The following CDH19 variants were observed in gnomAD, a reference collection of about 807,000 sequenced individuals.
The protein encoded by CDH19 is cadherin-19.
CDH19 carries 67 observed loss-of-function variants against 64.2 expected under a neutral mutation model. The observed-to-expected ratio is 1.04, with a 90% confidence interval of 0.86 to 1.28. CDH19 has a LOEUF of 1.28. Ranked by LOEUF, CDH19 falls within the 50% of genes most tolerant of loss-of-function variation. The pLI is 0.00. For synonymous variants in CDH19, 346 were observed against 319.3 expected, an observed-to-expected ratio of 1.08 and a Z score of -0.89; for missense variants, 1,030 against 929.0, an observed-to-expected ratio of 1.11 and a Z score of -1.41.
At chr18:66,576,355 C>T (rs1988265471) in intron 1 of CDH19, among the ~76,000 whole-genome samples, 1 of 151,202 alleles carries the variant, frequency 6.6e-6, no homozygotes, top group African/African-American at 2.4e-5. Context: ...ATATCTTGCT[C>T]AACTCTAGTC....
In CDH19 at chr18:66,529,051, C is replaced by T. The variant is rs1410366218; in HGVS notation, c.1458+794G>A. 3.9e-5 allele frequency among the ~76,000 whole-genome samples: 6 copies of T among 151,954 alleles called. No homozygotes were observed. In the East Asian group the frequency reaches 1.2e-3, roughly 29 times the overall value. ...TATTATGTACCAGAGCTTAGAAGTA[C>T]ACAAATAACATTCTAACTTAAGTTT... On this transcript the variant is annotated intron_variant, in intron 9 of 11. Coordinates refer to ENST00000262150, the MANE Select transcript of CDH19 (RefSeq NM_021153.4).
At chr18:66,510,430 CTATA>C (rs1568170955) in intron 10 of CDH19, among the ~76,000 whole-genome samples, 1 of 148,220 alleles carries the variant, frequency 6.7e-6, no homozygotes, top group Non-Finnish European at 1.5e-5. Flanking sequence ...ATAAATTAAT[CTATA>C]TATACAAATA....
At chr18:66,597,342 T>C (rs1334608522) in intron 1 of CDH19, among the ~76,000 whole-genome samples, 1 of 151,884 alleles carries the variant, frequency 6.6e-6, no homozygotes, top group Non-Finnish European at 1.5e-5. Context: ...AAGCCATCCA[T>C]AATAAGCAAT....
intron 3 of CDH19, among the ~76,000 whole-genome samples, chr18:66,555,580 A>C (rs1987487664): frequency 6.6e-6 from 1 of 151,814 alleles, no homozygotes; most frequent in Admixed American, 6.6e-5. Context: ...TCTTATTCAC[A>C]TAATTTTATG....
chr18:66,511,687 TA>T lies in CDH19; in HGVS notation c.1459-3del, dbSNP rs771141151. The stretch of plus-strand genomic sequence containing the variant: ...CACTGCACTGATAGTCTGAATTACC[TA>T]AAAAAAAAGGGGGATAGATTTTTGT... On this transcript the variant is annotated splice_region_variant and splice_polypyrimidine_tract_variant and intron_variant, in intron 9 of 11. Transcript: ENST00000262150. The T allele has an allele frequency of 8.3e-4, 1,124 of 1,360,524 alleles. No individual in the cohort carries two copies. Among genetic ancestry groups the T allele is most frequent in the Admixed American group, 1.3e-3 (66 of 52,552 alleles). The allele number at this position is 1,360,524 out of a possible 1,614,324, so 84.3% of individuals were successfully genotyped here.
intron 9 of CDH19, among the ~76,000 whole-genome samples, chr18:66,521,726 G>A (rs911636305): frequency 2.0e-5 from 3 of 151,424 alleles, no homozygotes; most frequent in African/African-American, 7.3e-5. Context: ...ATGTAGAGAC[G>A]GAATTTCACA....
Position 66,551,223 on chromosome 18 carries a change from G to T in CDH19, c.646C>A (p.Leu216Met). ...IRISSKMDRE[L>M]QDEYWVIIQA... ...ATGATTACCCAATACTCATCTTGCA[G>T]TTCTCTATCCATTTTAGAAGATATT... The change falls in exon 5 of 12, where the codon CTG becomes ATG. Residue 216 changes from leucine (L) to methionine (M), a missense_variant. Coordinates refer to ENST00000262150, the MANE Select transcript of CDH19 (RefSeq NM_021153.4). 1 of 1,555,558 alleles carries T rather than the reference G, an allele frequency of 6.4e-7. No individual in the cohort carries two copies. Among genetic ancestry groups the T allele is most frequent in the South Asian group, 1.1e-5 (1 of 89,418 alleles).
intron 1 of CDH19, among the ~76,000 whole-genome samples, chr18:66,580,041 G>A (rs12232753): frequency 0.34 from 51,334 of 151,760 alleles, 9,514 homozygotes; most frequent in South Asian, 0.48. Flanking sequence ...TTGGATAGTT[G>A]TTCTTTTATT....
At chr18:66,588,591 T>C (rs1415630249) in intron 1 of CDH19, among the ~76,000 whole-genome samples, 1 of 143,594 alleles carries the variant, frequency 7.0e-6, no homozygotes, top group Non-Finnish European at 1.6e-5. Context: ...ATGATCTTAC[T>C]CATTTTTACT....
chr18:66,583,010 C>T (rs949816585), intron 1 of CDH19, among the ~76,000 whole-genome samples: 1 of 152,036 alleles, frequency 6.6e-6, no homozygotes, highest in African/African-American at 2.4e-5. Context: ...TATTCCCCTC[C>T]ACAAACTATC....
At chr18:66,578,510 T>TGTA (rs1406280413) in intron 1 of CDH19, among the ~76,000 whole-genome samples, 3 of 151,900 alleles carry the variant, frequency 2.0e-5, no homozygotes, top group Non-Finnish European at 4.4e-5. Flanking sequence ...ACTGTACCTC[T>TGTA]CATACACTGC....
At chr18:66,593,270 T>C (rs1568213958) in intron 1 of CDH19, among the ~76,000 whole-genome samples, 1 of 151,940 alleles carries the variant, frequency 6.6e-6, no homozygotes, top group Non-Finnish European at 1.5e-5. Flanking sequence ...ACCAATAATG[T>C]TTCTGGAGTG....
chr18:66,534,481 T>C (rs1986580561), intron 8 of CDH19, among the ~76,000 whole-genome samples: 1 of 152,000 alleles, frequency 6.6e-6, no homozygotes, highest in African/African-American at 2.4e-5. Flanking sequence ...AAAAGATGCA[T>C]CTGAGAATAT....
At chr18:66,533,196 A>G (rs1986523212) in intron 8 of CDH19, among the ~76,000 whole-genome samples, 1 of 140,530 alleles carries the variant, frequency 7.1e-6, no homozygotes, top group Non-Finnish European at 1.5e-5. Context: ...CTAAAAATTA[A>G]AATTTCTAGG....
intron 5 of CDH19, among the ~76,000 whole-genome samples, chr18:66,550,834 G>A (rs1987311793): frequency 6.6e-6 from 1 of 152,048 alleles, no homozygotes; most frequent in Admixed American, 6.6e-5. Flanking sequence ...ATAACCCAAT[G>A]AGACCCATAA....
chr18:66,571,652 G>T (rs932071241), intron 2 of CDH19, among the ~76,000 whole-genome samples: 2 of 151,634 alleles, frequency 1.3e-5, no homozygotes, highest in African/African-American at 2.4e-5. Flanking sequence ...TAAATCAACA[G>T]CTACTTAGCG....
chr18:66,602,287 G>A (rs1989055602), intron 1 of CDH19, among the ~76,000 whole-genome samples: 2 of 151,894 alleles, frequency 1.3e-5, no homozygotes, highest in Non-Finnish European at 1.5e-5. Flanking sequence ...CTAAGATCAT[G>A]AGTGGCAAAA....
At chr18:66,579,634 T>C (rs532205589) in intron 1 of CDH19, among the ~76,000 whole-genome samples, 2 of 152,158 alleles carry the variant, frequency 1.3e-5, no homozygotes, top group African/African-American at 4.8e-5. Context: ...AGGAAAGATA[T>C]TGCTCTAGAT....
At position 66,582,639 on chromosome 18, in the gene CDH19, C is replaced by CAAAA. The variant is rs11410904; in HGVS notation, c.-112-10327_-112-10324dup. On this transcript the variant is annotated intron_variant, in intron 1 of 11. Coordinates refer to ENST00000262150, the MANE Select transcript of CDH19 (RefSeq NM_021153.4). ...ATATAATTTGCATACTTACTGTCAC[C>CAAAA]AAAAAAAAAAAAAAAAAAAAAAAGC... is the stretch of plus-strand genomic sequence containing the variant. Among the ~76,000 whole-genome samples the CAAAA allele has an allele frequency of 4.5e-4, 33 of 72,810 alleles. 2 individuals are homozygous for CAAAA. Among genetic ancestry groups the CAAAA allele is most frequent in the South Asian group, 2.1e-3 (3 of 1,438 alleles). The allele number at this position is 72,810 out of a possible 152,430, so 47.8% of individuals were successfully genotyped here.
Sources: gnomAD v4.1 joint callset for allele counts (sites outside exome capture counted in the v4.1 genomes callset) on GRCh38, gnomAD v4.1.1 for gene constraint, MANE v1.5 for transcripts, NCBI Gene and HGNC (gene_info 2026-07-23, HGNC 2026-07-21) for gene names.